The following EXOC4 variants were observed in gnomAD, a reference collection of about 807,000 sequenced individuals.
EXOC4 encodes exocyst complex component 4, also known as SEC8-like 1.
A neutral mutation model predicts 107.2 loss-of-function variants in EXOC4; 71 were observed. That is an observed-to-expected ratio of 0.66 (90% CI 0.55 to 0.81). The LOEUF (loss-of-function observed/expected upper bound fraction) is 0.81. Among genes scored for constraint, EXOC4 ranks in the 30% least tolerant of loss-of-function variants. The probability of loss-of-function intolerance (pLI) is 0.00; values close to 1 mark genes in which losing one functional copy is unlikely to be tolerated. For synonymous variants in EXOC4, 456 were observed against 441.2 expected, an observed-to-expected ratio of 1.03 and a Z score of -0.42; for missense variants, 1,108 against 1,189.6, an observed-to-expected ratio of 0.93 and a Z score of 1.01.
At position 133,890,247 on chromosome 7, in the gene EXOC4, C is replaced by G. The variant is rs1415761165; in HGVS notation, c.1735-5352C>G. ...TTTTGAGAAGTGTCTGTTCATGTCC[C>G]TCGCCCACTTTTTGATAGGGTTGTT... is the stretch of plus-strand genomic sequence containing the variant. On this transcript the variant is annotated intron_variant, in intron 11 of 17. Coordinates refer to ENST00000253861, the MANE Select transcript of EXOC4 (RefSeq NM_021807.4). Among the ~76,000 whole-genome samples the G allele has an allele frequency of 1.5e-3, 116 of 76,768 alleles. 21 individuals carry two copies. The highest frequency in any genetic ancestry group is 2.2e-3 in the Non-Finnish European group (97 of 44,590). 50.4% of individuals were successfully genotyped at this position (76,768 alleles called of 152,430 possible).
In EXOC4 at chr7:133,854,304, A is replaced by G. The variant is rs114547795; in HGVS notation, c.1734+36760A>G. Reference sequence around the variant, plus strand: ...GATGGAGGGCCATACCTTCGAGACCAAGGATGGTGTTCTCTTGCACATGCT... The same window carrying G: ...GATGGAGGGCCATACCTTCGAGACCGAGGATGGTGTTCTCTTGCACATGCT... On this transcript the variant is annotated intron_variant, in intron 11 of 17. Coordinates refer to ENST00000253861, the MANE Select transcript of EXOC4 (RefSeq NM_021807.4). Among the ~76,000 whole-genome samples, 366 of 152,080 alleles carry G rather than the reference A, an allele frequency of 2.4e-3. 5 individuals carry two copies. Among genetic ancestry groups the G allele is most frequent in the African/African-American group, 8.2e-3 (340 of 41,492 alleles).
intron 7 of EXOC4, among the ~76,000 whole-genome samples, chr7:133,406,764 G>A (rs1444441073): frequency 6.6e-6 from 1 of 152,188 alleles, no homozygotes; most frequent in Non-Finnish European, 1.5e-5. Flanking sequence ...CATTGATATT[G>A]ACAGTGTCAG....
chr7:133,861,948 T>C lies in EXOC4; in HGVS notation c.1735-33651T>C, dbSNP rs550069406. On this transcript the variant is annotated intron_variant, in intron 11 of 17. Coordinates refer to ENST00000253861, the MANE Select transcript of EXOC4 (RefSeq NM_021807.4). ...GTACCTTTCATATCAAGGTAAGGCA[T>C]GATACAGAAGGTAAAGTTGGGAATG... Among the ~76,000 whole-genome samples the C allele has an allele frequency of 2.0e-5, 3 of 152,256 alleles. No individual in the cohort carries two copies. In the South Asian group the frequency reaches 6.2e-4, roughly 32 times the overall value.
Position 133,577,946 on chromosome 7 carries a change from CATT to C in EXOC4, c.1418-52096_1418-52094del, listed in dbSNP as rs376152467. On this transcript the variant is annotated intron_variant, in intron 9 of 17. Coordinates refer to ENST00000253861, the MANE Select transcript of EXOC4 (RefSeq NM_021807.4). ...GTGTAATGAAATACCAACGCAGTCA[CATT>C]ATATAAGTCAGTGTTCATTATCACA... Among the ~76,000 whole-genome samples the C allele has an allele frequency of 2.0e-5, 3 of 152,218 alleles. No individual in the cohort carries two copies. In the South Asian group the frequency reaches 6.2e-4, roughly 32 times the overall value.
At chr7:133,458,471 A>G (rs972760060) in intron 7 of EXOC4, among the ~76,000 whole-genome samples, 1 of 152,206 alleles carries the variant, frequency 6.6e-6, no homozygotes, top group African/African-American at 2.4e-5. Flanking sequence ...AGGTGCAGCA[A>G]ATTTATGGAG....
At chr7:133,432,249 A>G (rs2150777137) in intron 7 of EXOC4, among the ~76,000 whole-genome samples, 1 of 152,266 alleles carries the variant, frequency 6.6e-6, no homozygotes, top group South Asian at 2.1e-4. Flanking sequence ...TTTATTTAGA[A>G]GATTTGTGTT....
intron 10 of EXOC4, among the ~76,000 whole-genome samples, chr7:133,655,037 G>A (rs958134750): frequency 1.9e-4 from 29 of 152,102 alleles, no homozygotes; most frequent in African/African-American, 6.5e-4. Context: ...TGAGTGGTAC[G>A]TGAATGTGAA....
At chr7:133,424,127 G>T (rs1797667873) in intron 7 of EXOC4, among the ~76,000 whole-genome samples, 1 of 152,152 alleles carries the variant, frequency 6.6e-6, no homozygotes, top group Non-Finnish European at 1.5e-5. Context: ...GCCAGATTAG[G>T]GAATAAAAGC....
intron 17 of EXOC4, among the ~76,000 whole-genome samples, chr7:134,021,507 G>T (rs10215346): frequency 0.15 from 23,017 of 151,996 alleles, 2,512 homozygotes; most frequent in East Asian, 0.42. Flanking sequence ...CATCTCCATT[G>T]CTGTGCTGTA....
At chr7:133,393,511 T>C (rs898797320) in intron 7 of EXOC4, among the ~76,000 whole-genome samples, 1 of 152,180 alleles carries the variant, frequency 6.6e-6, no homozygotes, top group African/African-American at 2.4e-5. Flanking sequence ...ATGTCCCCCC[T>C]ACCCCATATT....
rs1372550504 is a variant in EXOC4, at chr7:133,917,585, G to A, written c.1874G>A (p.Gly625Asp). The A allele has an allele frequency of 3.7e-6, 6 of 1,613,728 alleles. No individual in the cohort carries two copies. The highest frequency in any genetic ancestry group is 1.3e-5 in the African/African-American group (1 of 74,914). ...YKDTCTAAYR[G>D]IVQSEEKLVI... ...TCTTTTCTATTGGCTGTGTTTAGGG[G>A]TATTGTCCAGTCAGAAGAAAAACTT... is the stretch of plus-strand genomic sequence containing the variant. Residue 625 changes from glycine to aspartate, a missense_variant and splice_region_variant, in exon 13 of 18, where the codon GGT becomes GAT. Physicochemically the swap from Gly to Asp is moderately conservative, Grantham distance 94. Transcript: ENST00000253861.
chr7:133,772,219 G>T (rs777987957), intron 10 of EXOC4, among the ~76,000 whole-genome samples: 3 of 151,974 alleles, frequency 2.0e-5, no homozygotes, highest in Admixed American at 6.6e-5. Flanking sequence ...ATTCCAGGCT[G>T]GTCTGGGCAT....
At chr7:133,658,641 T>C (rs1174648077) in intron 10 of EXOC4, among the ~76,000 whole-genome samples, 2 of 152,134 alleles carry the variant, frequency 1.3e-5, no homozygotes, top group African/African-American at 4.8e-5. Context: ...TTTATTATGA[T>C]AGTGAAGTAA....
chr7:133,990,277 C>G (rs548178007), intron 14 of EXOC4, among the ~76,000 whole-genome samples: 3 of 145,042 alleles, frequency 2.1e-5, no homozygotes, highest in East Asian at 4.3e-4. Context: ...CTCCCCCCCC[C>G]ACCCCTTTTT....
intron 9 of EXOC4, among the ~76,000 whole-genome samples, chr7:133,558,191 C>CTTTTCTTTTCTTTTCTTTTCTTTTCTTTT (rs1563107371): frequency 2.8e-5 from 2 of 72,534 alleles, no homozygotes; most frequent in African/African-American, 1.3e-4. Flanking sequence ...GGTTCCTTCT[C>CTTTTCTTTTCTTTTCTTTTCTTTTCTTTT]TTTTCTTTTC....
At chr7:133,268,077 A>G (rs1793776199) in intron 1 of EXOC4, among the ~76,000 whole-genome samples, 1 of 152,176 alleles carries the variant, frequency 6.6e-6, no homozygotes, top group South Asian at 2.1e-4. Context: ...CACACTTTAT[A>G]TTTTCAAAGC....
rs1423916802 is a variant in EXOC4 at position 133,351,868 on chromosome 7, A to C, written c.764-4462A>C. Among the ~76,000 whole-genome samples, 3 of 151,624 alleles carry C rather than the reference A, an allele frequency of 2.0e-5. No homozygotes were observed. In the East Asian group the frequency reaches 5.8e-4, roughly 29 times the overall value. The stretch of plus-strand genomic sequence containing the variant: ...TCCTGCATCCTGTAAATTGTATTTC[A>C]TATGTTGTGTTTTCATTTTCATTAA... On this transcript the variant is annotated intron_variant, in intron 5 of 17. Transcript: ENST00000253861.
the EXOC4 span, among the ~76,000 whole-genome samples, chr7:134,086,453 T>C: frequency 6.6e-6 from 1 of 152,180 alleles, no homozygotes; most frequent in East Asian, 1.9e-4. Context: ...GGAGCAAACA[T>C]AATTTCTTTT....
chr7:133,799,272 A>G (rs1280661197), intron 10 of EXOC4, among the ~76,000 whole-genome samples: 1 of 152,192 alleles, frequency 6.6e-6, no homozygotes, highest in South Asian at 2.1e-4. Flanking sequence ...TAAGTACTAG[A>G]TCACACAGTC....
Sources: gnomAD v4.1 joint callset for allele counts (sites outside exome capture counted in the v4.1 genomes callset) on GRCh38, gnomAD v4.1.1 for gene constraint, MANE v1.5 for transcripts, NCBI Gene and HGNC (gene_info 2026-07-23, HGNC 2026-07-21) for gene names.